Variants in OR8K3 observed in about 807,000 individuals in gnomAD.
OR8K3 encodes olfactory receptor family 8 subfamily K member 3 (gene/pseudogene), also known as olfactory receptor 8K3.
For missense variants in OR8K3, 448 were observed against 367.4 expected, an observed-to-expected ratio of 1.22 and a Z score of -1.79; for synonymous variants, 167 against 138.8, an observed-to-expected ratio of 1.20 and a Z score of -1.43.
chr11:56,316,893 G>C (rs1854450934), intron 2 of OR8K3, among the ~76,000 whole-genome samples: 1 of 151,794 alleles, frequency 6.6e-6, no homozygotes, highest in South Asian at 2.1e-4. Flanking sequence ...ATTATATTGA[G>C]AATAAAACTA....
rs1174001461 is a variant in OR8K3 at position 56,318,841 on chromosome 11, TG to T, written c.536del (p.Cys179LeufsTer19). 4 of 1,614,142 alleles carry T rather than the reference TG, an allele frequency of 2.5e-6. No homozygotes were observed. Among genetic ancestry groups the T allele is most frequent in the Non-Finnish European group, 3.4e-6 (4 of 1,179,972 alleles). ...CGYNVISHFY[C>X]DSLPLLPLLC... ...CTACAACGTCATTAGTCATTTCTACTGTGACAGTCTCCCTTTGTTACCTTTG... is the reference window on the plus strand; with the variant it reads ...CTACAACGTCATTAGTCATTTCTACTTGACAGTCTCCCTTTGTTACCTTTG... On this transcript the variant is annotated frameshift_variant, in exon 3 of 3. Transcript: ENST00000641662. LOFTEE classifies it low-confidence loss of function (END_TRUNC).
chr11:56,318,783 C>T lies in OR8K3; in HGVS notation c.477C>T (p.Val159=). 6.2e-7 allele frequency: 1 copy of T among 1,613,868 alleles called. No homozygotes were observed. The highest frequency in any genetic ancestry group is 8.5e-7 in the Non-Finnish European group (1 of 1,179,798). The change falls in exon 3 of 3, where the codon GTC becomes GTT. Residue 159 remains valine, a synonymous_variant. Transcript: ENST00000641662. ...YLYCTFISLL[V]TIKIFTLSFC... is the part of the protein sequence containing the mutation. Reference sequence around the variant, plus strand: ...ATTGCACATTCATTTCTCTTCTAGTCACCATAAAGATTTTTACTTTATCCT... The same window carrying T: ...ATTGCACATTCATTTCTCTTCTAGTTACCATAAAGATTTTTACTTTATCCT...
At chr11:56,318,105 C>T (rs556671962) in intron 2 of OR8K3, among the ~76,000 whole-genome samples, 179 bp from the exon 3 acceptor site, 4 of 152,164 alleles carry the variant, frequency 2.6e-5, no homozygotes, top group East Asian at 1.9e-4. Flanking sequence ...CAACTGAAAA[C>T]TGCTGATCTG....
At chr11:56,315,774 T>C (rs1300783216) in intron 1 of OR8K3, among the ~76,000 whole-genome samples, 1 of 141,988 alleles carries the variant, frequency 7.0e-6, no homozygotes, top group Non-Finnish European at 1.5e-5. Flanking sequence ...TGGGTAATCA[T>C]AGGCACAGAA....
chr11:56,317,138 T>C (rs1202889960), intron 2 of OR8K3, among the ~76,000 whole-genome samples: 2 of 151,936 alleles, frequency 1.3e-5, no homozygotes, highest in Non-Finnish European at 2.9e-5. Flanking sequence ...TAATTCATAG[T>C]CAGAATAATG....
rs1854489314 is a variant in OR8K3 at position 56,319,074 on chromosome 11, C to T, written c.768C>T (p.Phe256=). The T allele has an allele frequency of 6.2e-7, 1 of 1,614,106 alleles. No homozygotes were observed. Among genetic ancestry groups the T allele is most frequent in the Non-Finnish European group, 8.5e-7 (1 of 1,179,996 alleles). ...VVIVFYGTLL[F]MYVQPKSSHS... is the part of the protein sequence containing the mutation. ...TAGTGTTCTATGGGACTTTGCTTTTCATGTACGTGCAGCCCAAGTCCAGTC... is the reference window on the plus strand; with the variant it reads ...TAGTGTTCTATGGGACTTTGCTTTTTATGTACGTGCAGCCCAAGTCCAGTC... Residue 256 remains phenylalanine, a synonymous_variant, in exon 3 of 3, where the codon TTC becomes TTT. Transcript: ENST00000641662.
chr11:56,318,421 G>T lies in OR8K3; in HGVS notation c.115G>T (p.Val39Leu), dbSNP rs770558035. ...ALFLMIYVIS[V>L]MGNLGMIVLT... ...GTTCCTCATGATCTATGTGATCTCAGTGATGGGCAATTTGGGCATGATTGT... is the reference window on the plus strand; with the variant it reads ...GTTCCTCATGATCTATGTGATCTCATTGATGGGCAATTTGGGCATGATTGT... Residue 39 changes from valine to leucine, a missense_variant, in exon 3 of 3, where the codon GTG becomes TTG. By Grantham distance (32) the Val-to-Leu change is conservative (BLOSUM62 1). Coordinates refer to ENST00000641662, the MANE Select transcript of OR8K3 (RefSeq NM_001005202.2). 2 of 1,614,018 alleles carry T rather than the reference G, an allele frequency of 1.2e-6. No individual in the cohort carries two copies. Among genetic ancestry groups the T allele is most frequent in the Non-Finnish European group, 8.5e-7 (1 of 1,179,930 alleles).
At chr11:56,315,623 C>A (rs1368906689) in intron 1 of OR8K3, among the ~76,000 whole-genome samples, 1 of 151,962 alleles carries the variant, frequency 6.6e-6, no homozygotes, top group African/African-American at 2.4e-5. Context: ...CTCTCAGACC[C>A]CTTAACAATA....
At chr11:56,316,652 G>A (rs1854446959) in intron 2 of OR8K3, among the ~76,000 whole-genome samples, 1 of 151,940 alleles carries the variant, frequency 6.6e-6, no homozygotes, top group African/African-American at 2.4e-5. Context: ...TATATCTCAT[G>A]TTTAGTGTAT....
Position 56,320,082 on chromosome 11 carries a change from T to G in OR8K3, c.*837T>G, listed in dbSNP as rs2134871230. The stretch of plus-strand genomic sequence containing the variant: ...ATTTATCTAAAAAAAAGTAATAAAC[T>G]GTGGTTAAAATTTGTGTTCCAGTTG... On this transcript the variant is annotated 3_prime_UTR_variant, in exon 3 of 3. Coordinates refer to ENST00000641662, the MANE Select transcript of OR8K3 (RefSeq NM_001005202.2). 6.6e-6 allele frequency: 1 copy of G among 152,344 alleles called. No homozygotes were observed. The highest frequency in any genetic ancestry group is 6.5e-5 in the Admixed American group (1 of 15,316). The allele number at this position is 152,344 out of a possible 1,614,324, so 9.4% of individuals were successfully genotyped here. A position where few individuals can be genotyped will look rare whatever the true frequency, so the allele number is the denominator to read the frequency against.
intron 2 of OR8K3, 89 bp from the exon 3 acceptor site, chr11:56,318,195 T>C (rs1401734456): frequency 8.0e-6 from 5 of 625,488 alleles, no homozygotes; most frequent in Non-Finnish European, 1.4e-5. Context: ...TTGTGAAATT[T>C]AGGTATATCT....
intron 2 of OR8K3, among the ~76,000 whole-genome samples, chr11:56,317,784 C>T (rs1389413676): frequency 6.6e-6 from 1 of 151,838 alleles, no homozygotes; most frequent in Non-Finnish European, 1.5e-5. Flanking sequence ...TATATCTATA[C>T]AGACATGAAT....
In OR8K3 at chr11:56,318,885, T is replaced by C; in HGVS notation, c.579T>C (p.His193=). The part of the protein sequence containing the change: ...PLLPLLCSNT[H]EIELIILIFA... ...TACCTTTGCTTTGTTCAAATACACA[T>C]GAAATTGAATTGATAATTCTGATCT... is the stretch of plus-strand genomic sequence containing the variant. The change falls in exon 3 of 3, where the codon CAT becomes CAC. Residue 193 remains histidine, a synonymous_variant. Coordinates refer to ENST00000641662, the MANE Select transcript of OR8K3 (RefSeq NM_001005202.2). The C allele has an allele frequency of 1.2e-6, 2 of 1,613,932 alleles. No homozygotes were observed. Among genetic ancestry groups the C allele is most frequent in the Non-Finnish European group, 8.5e-7 (1 of 1,179,768 alleles).
rs1271939324 is a variant in OR8K3, at chr11:56,318,858, G to T, written c.552G>T (p.Leu184Phe). The T allele has an allele frequency of 1.9e-6, 3 of 1,613,908 alleles. No homozygotes were observed. Among genetic ancestry groups the T allele is most frequent in the African/African-American group, 1.3e-5 (1 of 74,902 alleles). Residue 184 changes from leucine to phenylalanine, a missense_variant, in exon 3 of 3, where the codon TTG becomes TTT. Coordinates refer to ENST00000641662, the MANE Select transcript of OR8K3 (RefSeq NM_001005202.2). ...ISHFYCDSLP[L>F]LPLLCSNTHE... is the part of the protein sequence containing the mutation. ...ATTTCTACTGTGACAGTCTCCCTTTGTTACCTTTGCTTTGTTCAAATACAC... is the reference window on the plus strand; with the variant it reads ...ATTTCTACTGTGACAGTCTCCCTTTTTTACCTTTGCTTTGTTCAAATACAC...
At chr11:56,318,205 T>G in intron 2 of OR8K3, 79 bp from the exon 3 acceptor site, 1 of 682,890 alleles carries the variant, frequency 1.5e-6, no homozygotes, top group South Asian at 2.2e-5. Context: ...TAGGTATATC[T>G]TCTGTTAGCT....
rs372838650 is a variant in OR8K3, at chr11:56,319,012, G to A, written c.706G>A (p.Ala236Thr). 3.1e-5 allele frequency: 50 copies of A among 1,613,972 alleles called. No individual in the cohort carries two copies. The African/African-American group carries it at 6.0e-4, about 19-fold the overall frequency. Residue 236 changes from alanine (A) to threonine (T), a missense_variant, in exon 3 of 3, where the codon GCT becomes ACT. Physicochemically the swap from Ala to Thr is moderately conservative, Grantham distance 58. Coordinates refer to ENST00000641662, the MANE Select transcript of OR8K3 (RefSeq NM_001005202.2). ...LRMNSAGRQK[A>T]FSTCGAHLTV... ...GATGAATTCTGCTGGCAGACAAAAG[G>A]CTTTTTCTACCTGTGGAGCCCACCT...
At chr11:56,316,910 G>T (rs1289107885) in intron 2 of OR8K3, among the ~76,000 whole-genome samples, 1 of 151,784 alleles carries the variant, frequency 6.6e-6, no homozygotes, top group Non-Finnish European at 1.5e-5. Flanking sequence ...ACTATGGGAA[G>T]ATTAATGTTT....
rs766298512 is a variant in OR8K3, at chr11:56,319,100, A to T, written c.794A>T (p.His265Leu). Residue 265 changes from histidine (H) to leucine (L), a missense_variant, in exon 3 of 3, where the codon CAT (histidine) becomes CTT (leucine). Coordinates refer to ENST00000641662, the MANE Select transcript of OR8K3 (RefSeq NM_001005202.2). ...LFMYVQPKSS[H>L]SFDTDKVASI... ...ATGTACGTGCAGCCCAAGTCCAGTC[A>T]TTCCTTTGACACTGATAAAGTGGCT... The T allele has an allele frequency of 3.4e-5, 55 of 1,614,102 alleles. No homozygotes were observed. Among genetic ancestry groups the T allele is most frequent in the Non-Finnish European group, 4.6e-5 (54 of 1,179,962 alleles).
rs550302175 is a variant in OR8K3 at position 56,319,679 on chromosome 11, C to T, written c.*434C>T. The T allele has an allele frequency of 7.4e-5, 12 of 161,602 alleles. No homozygotes were observed. Among genetic ancestry groups the T allele is most frequent in the Non-Finnish European group, 1.4e-4 (10 of 73,552 alleles). 10.0% of individuals were successfully genotyped at this position (161,602 alleles called of 1,614,324 possible). A position where few individuals can be genotyped will look rare whatever the true frequency, so the allele number is the denominator to read the frequency against. On this transcript the variant is annotated 3_prime_UTR_variant, in exon 3 of 3. Coordinates refer to ENST00000641662, the MANE Select transcript of OR8K3 (RefSeq NM_001005202.2). ...TGTTTTTGTGTATATAAGCATTTTCCTTCTGTTTTAGCCTTCATACTTTTT... is the reference window on the plus strand; with the variant it reads ...TGTTTTTGTGTATATAAGCATTTTCTTTCTGTTTTAGCCTTCATACTTTTT...
Sources: gnomAD v4.1 joint callset for allele counts (sites outside exome capture counted in the v4.1 genomes callset) on GRCh38, gnomAD v4.1.1 for gene constraint, MANE v1.5 for transcripts, NCBI Gene and HGNC (gene_info 2026-07-23, HGNC 2026-07-21) for gene names.